Variants in DCP1A observed in about 807,000 individuals in gnomAD.
DCP1A encodes the protein decapping mRNA 1A, also known as mRNA-decapping enzyme 1A.
Under a neutral mutation model 58.0 loss-of-function variants are expected in DCP1A, and 20 were observed. The ratio of observed to expected loss-of-function variants is 0.34; its 90% CI spans 0.24 to 0.50. The LOEUF is 0.50. Ranked by LOEUF, DCP1A falls within the 20% of genes least tolerant of loss-of-function variation. The pLI, the probability that DCP1A is intolerant of heterozygous loss-of-function variation, is 0.98. For missense variants in DCP1A, 613 were observed against 712.2 expected (o/e 0.86, Z 1.59); for synonymous variants, 285 against 275.1 (o/e 1.04, Z -0.36).
At chr3:53,311,298 AG>A (rs1334640312) in intron 5 of DCP1A, among the ~76,000 whole-genome samples, 2 of 152,338 alleles carry the variant, frequency 1.3e-5, no homozygotes, top group Admixed American at 6.5e-5. Context: ...TTTAATGAAG[AG>A]TAAGGTGACA....
chr3:53,284,522 G>C lies in DCP1A; in HGVS notation c.*3058C>G, dbSNP rs1359291495. On this transcript the variant is annotated 3_prime_UTR_variant, in exon 10 of 10. Transcript: ENST00000610213. ...GTCCCCCTGTAGAGAGGGGCCCAGC[G>C]TGACTTTTTTTTTTTTTTTTTTTTT... The C allele has an allele frequency of 1.4e-5, 2 of 142,366 alleles. No individual in the cohort carries two copies. Among genetic ancestry groups the C allele is most frequent in the Non-Finnish European group, 1.5e-5 (1 of 66,640 alleles). 8.8% of individuals were successfully genotyped at this position (142,366 alleles called of 1,614,324 possible). A position where few individuals can be genotyped will look rare whatever the true frequency, so the allele number is the denominator to read the frequency against.
intron 3 of DCP1A, chr3:53,338,189 C>A (rs1273586113): frequency 2.1e-5 from 9 of 435,730 alleles, no homozygotes; most frequent in Non-Finnish European, 3.7e-5. Flanking sequence ...AATACCACTG[C>A]TACTCAATAA....
chr3:53,283,828 T>A lies in DCP1A; in HGVS notation c.*3752A>T, dbSNP rs1333193256. ...CCACTTTGAAGTGAATGATATTGCA[T>A]CTTAGCATTTTAAATGAAGGTGTCA... On this transcript the variant is annotated 3_prime_UTR_variant, in exon 10 of 10. Coordinates refer to ENST00000610213, the MANE Select transcript of DCP1A (RefSeq NM_018403.7). The A allele has an allele frequency of 6.6e-6, 1 of 152,228 alleles. No homozygotes were observed. Among genetic ancestry groups the A allele is most frequent in the Non-Finnish European group, 1.5e-5 (1 of 68,038 alleles). 9.4% of individuals were successfully genotyped at this position (152,228 alleles called of 1,614,324 possible).
At chr3:53,324,251 T>A (rs1708049911) in intron 3 of DCP1A, among the ~76,000 whole-genome samples, 1 of 152,210 alleles carries the variant, frequency 6.6e-6, no homozygotes, top group South Asian at 2.1e-4. Flanking sequence ...CACACTCGAT[T>A]CTGCCAAAAG....
intron 8 of DCP1A, among the ~76,000 whole-genome samples, chr3:53,290,223 T>C (rs1463268460): frequency 6.6e-6 from 1 of 151,966 alleles, no homozygotes; most frequent in Non-Finnish European, 1.5e-5. Flanking sequence ...GGAGGACAAA[T>C]GGGACAGAAG....
intron 5 of DCP1A, among the ~76,000 whole-genome samples, chr3:53,305,277 T>A (rs1553687900): frequency 1.3e-5 from 2 of 152,236 alleles, no homozygotes; most frequent in African/African-American, 4.8e-5. Context: ...ATCTGTGTTG[T>A]TTCCGTTTTT....
chr3:53,298,433 C>T (rs1553687025), intron 6 of DCP1A, among the ~76,000 whole-genome samples: 2 of 152,068 alleles, frequency 1.3e-5, no homozygotes, highest in African/African-American at 2.4e-5. Context: ...AGAGAATAAA[C>T]GAATTTGTGA....
intron 3 of DCP1A, among the ~76,000 whole-genome samples, chr3:53,341,355 C>T (rs1334562575): frequency 1.3e-5 from 2 of 151,806 alleles, no homozygotes; most frequent in African/African-American, 2.4e-5. Context: ...CTTGGGAGGC[C>T]GAGCCAGGAG....
chr3:53,298,420 A>AAG (rs1177622582), intron 6 of DCP1A, among the ~76,000 whole-genome samples: 1 of 152,228 alleles, frequency 6.6e-6, no homozygotes, highest in African/African-American at 2.4e-5. Context: ...TTTCTCATAT[A>AAG]AGAGAGAATA....
At chr3:53,310,387 C>A (rs978412014) in intron 5 of DCP1A, among the ~76,000 whole-genome samples, 3 of 152,300 alleles carry the variant, frequency 2.0e-5, no homozygotes, top group Non-Finnish European at 4.4e-5. Flanking sequence ...GTTGTGGCTA[C>A]TTAACCTCTC....
At chr3:53,342,957 G>A (rs571391569) in intron 2 of DCP1A, among the ~76,000 whole-genome samples, 1 of 152,038 alleles carries the variant, frequency 6.6e-6, no homozygotes, top group African/African-American at 2.4e-5. Flanking sequence ...TGTTTTTCTT[G>A]CAACAAATAG....
At chr3:53,341,913 G>C (rs573991429) in intron 3 of DCP1A, among the ~76,000 whole-genome samples, 26 of 152,220 alleles carry the variant, frequency 1.7e-4, no homozygotes, top group African/African-American at 6.3e-4. Flanking sequence ...CTGACCTCAA[G>C]TGATCTGCCC....
intron 2 of DCP1A, among the ~76,000 whole-genome samples, chr3:53,344,516 GAAAGA>G (rs747404961): frequency 2.8e-4 from 43 of 152,164 alleles, no homozygotes; most frequent in South Asian, 1.2e-3. Context: ...ATGTAGTAAT[GAAAGA>G]ACAGAGGGAT....
At chr3:53,339,422 T>C (rs979543711) in intron 3 of DCP1A, among the ~76,000 whole-genome samples, 2 of 152,226 alleles carry the variant, frequency 1.3e-5, no homozygotes, top group Non-Finnish European at 2.9e-5. Context: ...TAATAAATAC[T>C]CCTGATGATT....
At position 53,290,735 on chromosome 3, in the gene DCP1A, C is replaced by T. The variant is rs782497336; in HGVS notation, c.1449+56G>A. 17 of 1,205,306 alleles carry T rather than the reference C, an allele frequency of 1.4e-5. No homozygotes were observed. In the South Asian group the frequency reaches 2.3e-4, roughly 16 times the overall value. 74.7% of individuals were successfully genotyped at this position (1,205,306 alleles called of 1,614,324 possible). A position where few individuals can be genotyped will look rare whatever the true frequency, so the allele number is the denominator to read the frequency against. On this transcript the variant is annotated intron_variant, in intron 8 of 9. Coordinates refer to ENST00000610213, the MANE Select transcript of DCP1A (RefSeq NM_018403.7). ...TACTCTTTCTACTTTCTCACTATGGCACCCGACTAGTCTTAAAAAAAAAAA... is the reference window on the plus strand; with the variant it reads ...TACTCTTTCTACTTTCTCACTATGGTACCCGACTAGTCTTAAAAAAAAAAA...
In DCP1A at chr3:53,287,517, T is replaced by G. The variant is rs1706683270; in HGVS notation, c.*63A>C. On this transcript the variant is annotated 3_prime_UTR_variant, in exon 10 of 10. Coordinates refer to ENST00000610213, the MANE Select transcript of DCP1A (RefSeq NM_018403.7). ...AAACTCAATGTTCTGCTCAGAAGTT[T>G]CCATGATGAAGCCTATTTGTCTCTG... 1.8e-6 allele frequency: 2 copies of G among 1,120,762 alleles called. No homozygotes were observed. The highest frequency in any genetic ancestry group is 2.7e-6 in the Non-Finnish European group (2 of 735,626). The allele number at this position is 1,120,762 out of a possible 1,614,324, so 69.4% of individuals were successfully genotyped here.
chr3:53,310,498 T>C (rs1189616913), intron 5 of DCP1A, among the ~76,000 whole-genome samples: 1 of 152,236 alleles, frequency 6.6e-6, no homozygotes, highest in Admixed American at 6.5e-5. Flanking sequence ...TTACTCAGGA[T>C]GAGTGACAGA....
chr3:53,293,319 G>T (rs1159961268), intron 6 of DCP1A, among the ~76,000 whole-genome samples: 4 of 152,172 alleles, frequency 2.6e-5, no homozygotes, highest in African/African-American at 9.7e-5. Context: ...TTAGTCCCTA[G>T]TCACAGAATT....
chr3:53,318,978 T>C (rs1463172515), intron 4 of DCP1A, among the ~76,000 whole-genome samples: 11 of 152,192 alleles, frequency 7.2e-5, no homozygotes, highest in African/African-American at 2.2e-4. Context: ...GCCGGGCAGT[T>C]TGGCAGCCTT....
Sources: allele counts gnomAD v4.1 joint callset (sites outside exome capture counted in the v4.1 genomes callset), GRCh38; gene constraint gnomAD v4.1.1; transcripts MANE v1.5; gene names NCBI Gene and HGNC (gene_info 2026-07-23, HGNC 2026-07-21).